The following ADAM18 variants were observed in gnomAD, a reference collection of about 807,000 sequenced individuals.
ADAM18 encodes the protein ADAM metallopeptidase domain 18.
ADAM18 carries 117 observed loss-of-function variants against 94.4 expected under a neutral mutation model. The observed-to-expected ratio is 1.24, with a 90% CI of 1.07 to 1.45. The LOEUF is 1.45. Among genes scored for constraint, ADAM18 ranks in the 40% most tolerant of loss-of-function variants. The probability of loss-of-function intolerance (pLI) is 0.00; values close to 1 mark genes in which losing one functional copy is unlikely to be tolerated. For missense variants in ADAM18, 936 were observed against 880.0 expected, an observed-to-expected ratio of 1.06 and a Z score of -0.81; for synonymous variants, 327 against 291.6, an observed-to-expected ratio of 1.12 and a Z score of -1.24.
At chr8:39,727,279 G>A (rs1036912157) in intron 19 of ADAM18, among the ~76,000 whole-genome samples, 1 of 152,134 alleles carries the variant, frequency 6.6e-6, no homozygotes, top group Non-Finnish European at 1.5e-5. Context: ...GCAAGTGGTT[G>A]CTCCACAGCC....
At chr8:39,630,011 A>G (rs9886499) in intron 7 of ADAM18, among the ~76,000 whole-genome samples, 5,905 of 151,926 alleles carry the variant, frequency 0.039, 382 homozygotes, top group African/African-American at 0.13. Flanking sequence ...TATTTTTACC[A>G]TCTTATAAAG....
chr8:39,653,532 C>T (rs1217468122), intron 12 of ADAM18, among the ~76,000 whole-genome samples: 1 of 152,144 alleles, frequency 6.6e-6, no homozygotes, highest in Non-Finnish European at 1.5e-5. Context: ...AATTTCACAA[C>T]CTCTCATCAG....
chr8:39,597,894 A>G (rs986333052), intron 2 of ADAM18, among the ~76,000 whole-genome samples: 1 of 152,220 alleles, frequency 6.6e-6, no homozygotes, highest in African/African-American at 2.4e-5. Context: ...TCTTAATGAT[A>G]TTTAGTGTTG....
intron 12 of ADAM18, among the ~76,000 whole-genome samples, chr8:39,662,528 T>C (rs1820868833): frequency 6.6e-6 from 1 of 152,200 alleles, no homozygotes; most frequent in Non-Finnish European, 1.5e-5. Flanking sequence ...AATTGTTTAA[T>C]AAAAGAGTTA....
intron 6 of ADAM18, among the ~76,000 whole-genome samples, chr8:39,613,205 G>C (rs1300987474): frequency 2.0e-5 from 3 of 152,208 alleles, no homozygotes; most frequent in Non-Finnish European, 4.4e-5. Flanking sequence ...CACCCTGACA[G>C]AGCACTTTTG....
At chr8:39,677,867 T>A (rs1821341673) in intron 15 of ADAM18, among the ~76,000 whole-genome samples, 1 of 152,144 alleles carries the variant, frequency 6.6e-6, no homozygotes. Flanking sequence ...AAAGCAAACC[T>A]CAAGCTTTGA....
intron 6 of ADAM18, among the ~76,000 whole-genome samples, chr8:39,616,269 G>A (rs568781010): frequency 1.9e-4 from 29 of 152,158 alleles, no homozygotes; most frequent in Non-Finnish European, 2.6e-4. Flanking sequence ...GAGTGGTGGC[G>A]TGCACGTGTA....
At chr8:39,685,711 A>G (rs1303658155) in intron 16 of ADAM18, among the ~76,000 whole-genome samples, 1 of 152,058 alleles carries the variant, frequency 6.6e-6, no homozygotes, top group Admixed American at 6.5e-5. Flanking sequence ...TTTCCTTTTC[A>G]TTATAAATTC....
intron 14 of ADAM18, among the ~76,000 whole-genome samples, chr8:39,677,171 A>G (rs1456842969): frequency 1.3e-5 from 2 of 152,230 alleles, no homozygotes; most frequent in Non-Finnish European, 2.9e-5. Flanking sequence ...CATTAGATTA[A>G]GAAGTATTTG....
chr8:39,723,844 C>T lies in ADAM18; in HGVS notation c.2114C>T (p.Thr705Ile). 6.3e-7 allele frequency: 1 copy of T among 1,579,562 alleles called. No individual in the cohort carries two copies. Among genetic ancestry groups the T allele is most frequent in the African/African-American group, 1.4e-5 (1 of 73,368 alleles). ...CTGCCGTTTTTCATAGTTTTCACCA[C>T]TGTGATCTTTAAAAGAAATGAAATA... ...IFLPFFIVFT[T>I]VIFKRNEISK... is the part of the protein sequence containing the mutation. Residue 705 changes from threonine (T) to isoleucine (I), a missense_variant, in exon 19 of 20, where the codon ACT (threonine) becomes ATT (isoleucine). Physicochemically the swap from Thr to Ile is moderately conservative, Grantham distance 89. Transcript: ENST00000265707.
At chr8:39,606,222 TC>T (rs1386217519) in intron 2 of ADAM18, 84 bp from the exon 3 acceptor site, 3 of 714,198 alleles carry the variant, frequency 4.2e-6, no homozygotes, top group African/African-American at 3.8e-5. Context: ...ATAGATAGAC[TC>T]TTTTTATTAA....
chr8:39,628,554 G>T lies in ADAM18; in HGVS notation c.523-820G>T, dbSNP rs562797394. Among the ~76,000 whole-genome samples the T allele has an allele frequency of 1.7e-3, 259 of 152,034 alleles. 3 individuals carry two copies. Among genetic ancestry groups the T allele is most frequent in the African/African-American group, 6.0e-3 (248 of 41,512 alleles). On this transcript the variant is annotated intron_variant, in intron 6 of 19. Coordinates refer to ENST00000265707, the MANE Select transcript of ADAM18 (RefSeq NM_014237.3). ...CAGAGACTCTATCCAGTAAGTTTGG[G>T]TTATTTGTTTGCTTGTTTACTTATT...
chr8:39,655,252 T>C (rs1820654829), intron 12 of ADAM18, among the ~76,000 whole-genome samples: 1 of 152,126 alleles, frequency 6.6e-6, no homozygotes, highest in Non-Finnish European at 1.5e-5. Flanking sequence ...ATATAGATAT[T>C]TCATTTTCCC....
intron 17 of ADAM18, among the ~76,000 whole-genome samples, chr8:39,695,170 A>G (rs1275996216): frequency 6.6e-6 from 1 of 151,576 alleles, no homozygotes; most frequent in Non-Finnish European, 1.5e-5. Context: ...ATTTTGGGCA[A>G]TTGTGAATAA....
intron 2 of ADAM18, among the ~76,000 whole-genome samples, chr8:39,598,694 G>T (rs1305319972): frequency 1.3e-5 from 2 of 151,382 alleles, no homozygotes; most frequent in African/African-American, 4.9e-5. Flanking sequence ...CTTGAACCTG[G>T]GAGGCAGATG....
At chr8:39,646,842 T>A (rs1174966286) in intron 11 of ADAM18, among the ~76,000 whole-genome samples, 1 of 152,200 alleles carries the variant, frequency 6.6e-6, no homozygotes, top group African/African-American at 2.4e-5. Context: ...TTAATGAAGC[T>A]TATTTTTACA....
intron 14 of ADAM18, among the ~76,000 whole-genome samples, chr8:39,670,036 G>A (rs1232945901): frequency 1.3e-5 from 2 of 152,110 alleles, no homozygotes; most frequent in Admixed American, 1.3e-4. Flanking sequence ...ATCTCATTGT[G>A]GGTTTGATTT....
intron 6 of ADAM18, among the ~76,000 whole-genome samples, chr8:39,616,067 G>A (rs1819429295): frequency 6.6e-6 from 1 of 152,022 alleles, no homozygotes; most frequent in African/African-American, 2.4e-5. Flanking sequence ...AGAAACAAAT[G>A]GGGAAAATAT....
intron 12 of ADAM18, among the ~76,000 whole-genome samples, chr8:39,655,456 C>A (rs927721190): frequency 6.6e-6 from 1 of 151,952 alleles, no homozygotes; most frequent in Non-Finnish European, 1.5e-5. Context: ...AAAAAGTGAT[C>A]ATCTCAATGG....
Sources: allele counts gnomAD v4.1 joint callset (sites outside exome capture counted in the v4.1 genomes callset), GRCh38; gene constraint gnomAD v4.1.1; transcripts MANE v1.5; gene names NCBI Gene and HGNC (gene_info 2026-07-23, HGNC 2026-07-21).